TNFSF13B: variants seen among roughly 807,000 people sequenced by gnomAD.
TNFSF13B encodes the protein TNF superfamily member 13b.
A neutral mutation model predicts 29.1 loss-of-function variants in TNFSF13B; 8 were observed. That is an observed-to-expected ratio of 0.27 (90% CI 0.16 to 0.50). The LOEUF (loss-of-function observed/expected upper bound fraction) is 0.50, where lower values mean the gene tolerates loss of function less well. TNFSF13B is among the 20% of genes least tolerant of loss of function. The probability of loss-of-function intolerance (pLI) is 0.98; values close to 1 mark genes in which losing one functional copy is unlikely to be tolerated. For missense variants in TNFSF13B, 248 were observed against 334.9 expected, an observed-to-expected ratio of 0.74 and a Z score of 2.03; for synonymous variants, 125 against 130.8, an observed-to-expected ratio of 0.96 and a Z score of 0.30.
intron 2 of TNFSF13B, among the ~76,000 whole-genome samples, chr13:108,284,222 G>A (rs1376270458): frequency 2.6e-5 from 4 of 152,148 alleles, no homozygotes; most frequent in Non-Finnish European, 5.9e-5. Context: ...CCAGCTACTC[G>A]GGAGGCTGAG....
At chr13:108,293,191 T>G (rs1175685464) in intron 3 of TNFSF13B, among the ~76,000 whole-genome samples, 1 of 152,196 alleles carries the variant, frequency 6.6e-6, no homozygotes, top group Non-Finnish European at 1.5e-5. Context: ...TTCTTCCACA[T>G]TGAACGGTCT....
At chr13:108,270,558 A>G (rs1464675755) in intron 2 of TNFSF13B, 134 bp downstream of exon 2, 6 of 863,392 alleles carry the variant, frequency 6.9e-6, no homozygotes, top group Non-Finnish European at 1.1e-5. Flanking sequence ...CAAAGCAGAC[A>G]TTGCTTTAGA....
chr13:108,275,939 A>C (rs1044348470), intron 2 of TNFSF13B, among the ~76,000 whole-genome samples: 1 of 152,242 alleles, frequency 6.6e-6, no homozygotes, highest in African/African-American at 2.4e-5. Flanking sequence ...TATAAACACC[A>C]AATATTATAC....
At chr13:108,302,608 T>C (rs1881657884) in intron 3 of TNFSF13B, among the ~76,000 whole-genome samples, 1 of 152,132 alleles carries the variant, frequency 6.6e-6, no homozygotes, top group African/African-American at 2.4e-5. Context: ...TTGAGCACAG[T>C]GGTCTCCTTG....
In TNFSF13B at chr13:108,271,273, C is replaced by G. The variant is rs533331830; in HGVS notation, c.424+849C>G. 7.2e-5 allele frequency among the ~76,000 whole-genome samples: 11 copies of G among 152,164 alleles called. 1 individual carries two copies. In the East Asian group the frequency reaches 1.5e-3, roughly 21 times the overall value. On this transcript the variant is annotated intron_variant, in intron 2 of 5. Coordinates refer to ENST00000375887, the MANE Select transcript of TNFSF13B (RefSeq NM_006573.5). ...AAGAATATTTTTTGAGCACCTGGAA[C>G]GTATCGTACAGCTATAGACCAGAAT... is the stretch of plus-strand genomic sequence containing the variant.
At chr13:108,298,287 T>TA in intron 3 of TNFSF13B, among the ~76,000 whole-genome samples, 1 of 144,584 alleles carries the variant, frequency 6.9e-6, no homozygotes. Flanking sequence ...AAAATGAAGT[T>TA]AAAAAAGAAT....
chr13:108,296,237 G>A (rs950978538), intron 3 of TNFSF13B, among the ~76,000 whole-genome samples: 4 of 145,104 alleles, frequency 2.8e-5, no homozygotes, highest in African/African-American at 5.2e-5. Context: ...TTCTCCTTTC[G>A]GTTCAGCCAA....
intron 2 of TNFSF13B, among the ~76,000 whole-genome samples, chr13:108,279,876 G>C (rs1192431930): frequency 6.6e-6 from 1 of 152,006 alleles, no homozygotes; most frequent in African/African-American, 2.4e-5. Flanking sequence ...TGTCCGTGAT[G>C]CTCCTATTGC....
At position 108,297,225 on chromosome 13, in the gene TNFSF13B, T is replaced by C. The variant is rs1462805897; in HGVS notation, c.482-6028T>C. On this transcript the variant is annotated intron_variant, in intron 3 of 5. Transcript: ENST00000375887. ...GATATTTTCCCACATATAGAATACA[T>C]GGTAGACAGTGTTTTTCATTCAGTA... is the stretch of plus-strand genomic sequence containing the variant. Among the ~76,000 whole-genome samples, 3 of 145,852 alleles carry C rather than the reference T, an allele frequency of 2.1e-5. 1 individual carries two copies. Among genetic ancestry groups the C allele is most frequent in the African/African-American group, 7.7e-5 (3 of 38,918 alleles).
In TNFSF13B at chr13:108,297,329, T is replaced by C. The variant is rs537384839; in HGVS notation, c.482-5924T>C. Among the ~76,000 whole-genome samples the C allele has an allele frequency of 2.7e-5, 4 of 145,888 alleles. No individual in the cohort carries two copies. In the South Asian group the frequency reaches 8.5e-4, roughly 31 times the overall value. On this transcript the variant is annotated intron_variant, in intron 3 of 5. Transcript: ENST00000375887. The stretch of plus-strand genomic sequence containing the variant: ...TCAGCTATTAATCTTATTCAGCATA[T>C]TTTATATTTGATGAATTGCCTCTCT...
chr13:108,303,013 A>G (rs1419656574), intron 3 of TNFSF13B: 1 of 481,484 alleles, frequency 2.1e-6, no homozygotes. Context: ...CATTCATATA[A>G]AGGGTTAGCT....
intron 5 of TNFSF13B, among the ~76,000 whole-genome samples, chr13:108,305,246 A>G (rs1293881313): frequency 6.6e-6 from 1 of 152,180 alleles, no homozygotes; most frequent in Non-Finnish European, 1.5e-5. Flanking sequence ...ACATTAGAGT[A>G]TATATAAGTA....
intron 2 of TNFSF13B, among the ~76,000 whole-genome samples, chr13:108,282,715 A>G (rs1433877737): frequency 6.6e-6 from 1 of 152,094 alleles, no homozygotes; most frequent in Non-Finnish European, 1.5e-5. Context: ...TATGCTGTAA[A>G]ACGGCATTTT....
In TNFSF13B at chr13:108,296,254, C is replaced by T; in HGVS notation, c.482-6999C>T. On this transcript the variant is annotated intron_variant, in intron 3 of 5. Coordinates refer to ENST00000375887, the MANE Select transcript of TNFSF13B (RefSeq NM_006573.5). ...CTCCTTTCGGTTCAGCCAATATCTGCTTATATCTTGAGGTTCTGTTGAGTG... is the reference window on the plus strand; with the variant it reads ...CTCCTTTCGGTTCAGCCAATATCTGTTTATATCTTGAGGTTCTGTTGAGTG... Among the ~76,000 whole-genome samples, 2 of 145,640 alleles carry T rather than the reference C, an allele frequency of 1.4e-5. 1 individual carries two copies. Among genetic ancestry groups the T allele is most frequent in the Non-Finnish European group, 3.1e-5 (2 of 65,502 alleles).
intron 2 of TNFSF13B, among the ~76,000 whole-genome samples, chr13:108,274,320 AATAC>A (rs966748216): frequency 5.3e-5 from 8 of 151,114 alleles, no homozygotes; most frequent in African/African-American, 1.9e-4. Flanking sequence ...TATATGAACA[AATAC>A]ATATATTTAT....
intron 2 of TNFSF13B, among the ~76,000 whole-genome samples, chr13:108,286,164 A>G (rs1233159111): frequency 2.6e-5 from 4 of 152,210 alleles, no homozygotes. Flanking sequence ...CTTTGGATCC[A>G]GAGTGAAACA....
At chr13:108,274,151 G>GCTT (rs1880695513) in intron 2 of TNFSF13B, among the ~76,000 whole-genome samples, 1 of 151,922 alleles carries the variant, frequency 6.6e-6, no homozygotes, top group African/African-American at 2.4e-5. Flanking sequence ...TATCAGAAAG[G>GCTT]CTTCTGGTCA....
intron 2 of TNFSF13B, among the ~76,000 whole-genome samples, chr13:108,275,106 A>T (rs1008013595): frequency 1.3e-5 from 2 of 152,196 alleles, no homozygotes; most frequent in Admixed American, 6.5e-5. Flanking sequence ...ATCCAGGATT[A>T]AAAAATTGCC....
At chr13:108,291,024 CTT>C in intron 3 of TNFSF13B, among the ~76,000 whole-genome samples, 2 of 151,840 alleles carry the variant, frequency 1.3e-5, no homozygotes, top group Middle Eastern at 6.8e-3. Flanking sequence ...AAGACATTAA[CTT>C]TAACTTTTAT....
Sources: gnomAD v4.1 joint callset for allele counts (sites outside exome capture counted in the v4.1 genomes callset) on GRCh38, gnomAD v4.1.1 for gene constraint, MANE v1.5 for transcripts, NCBI Gene and HGNC (gene_info 2026-07-23, HGNC 2026-07-21) for gene names.